Variants in CNKSR1 observed in about 807,000 individuals in gnomAD.
The protein encoded by CNKSR1 is connector enhancer of kinase suppressor of Ras 1.
Under a neutral mutation model 95.6 loss-of-function variants are expected in CNKSR1, and 88 were observed. That is an observed-to-expected ratio of 0.92 (90% confidence interval 0.78 to 1.10). CNKSR1 has a LOEUF of 1.10. CNKSR1 is among the 50% of genes least tolerant of loss of function. The pLI is 0.00. For synonymous variants in CNKSR1, 355 were observed against 369.7 expected, an observed-to-expected ratio of 0.96 and a Z score of 0.46; for missense variants, 836 against 912.0, an observed-to-expected ratio of 0.92 and a Z score of 1.07.
At chr1:26,184,943 A>G (rs1226009226) in intron 13 of CNKSR1, 71 bp from the exon 14 acceptor site, 4 of 1,447,908 alleles carry the variant, frequency 2.8e-6, no homozygotes, top group Non-Finnish European at 3.7e-6. Context: ...TGCTTGTGGA[A>G]GGCAGGGAGT....
chr1:26,188,674 G>A lies in CNKSR1; in HGVS notation c.1667G>A (p.Arg556Gln), dbSNP rs751292433. The change falls in exon 19 of 21, where the codon CGG becomes CAG. Residue 556 changes from arginine to glutamine, a missense_variant. Physicochemically the swap from Arg to Gln is conservative, Grantham distance 43. Transcript: ENST00000361530. ...PAATPTQRSP[R>Q]TSFGSLTDSS... is the part of the protein sequence containing the mutation. ...GCCACCCCCACACAGCGCAGCCCAC[G>A]GACCTCCTTTGGCTCTCTGACAGGT... 3.7e-5 allele frequency: 60 copies of A among 1,613,714 alleles called. No individual in the cohort carries two copies. The highest frequency in any genetic ancestry group is 4.7e-5 in the Non-Finnish European group (55 of 1,179,926).
Position 26,177,718 on chromosome 1 carries a change from G to A in CNKSR1, c.52+119G>A, listed in dbSNP as rs577818569. The A allele has an allele frequency of 1.7e-5, 20 of 1,180,222 alleles. No individual in the cohort carries two copies. The African/African-American group carries it at 2.6e-4, about 15-fold the overall frequency. The allele number at this position is 1,180,222 out of a possible 1,614,324, so 73.1% of individuals were successfully genotyped here. ...GGACTGGGTGCGCTGGTTCACACCT[G>A]TAATCCCAGCACTTTGGGAAGCCAA... On this transcript the variant is annotated intron_variant, in intron 1 of 20. Transcript: ENST00000361530.
rs41284331 is a variant in CNKSR1, at chr1:26,189,807, C to A, written c.*259C>A. On this transcript the variant is annotated 3_prime_UTR_variant, in exon 21 of 21. Coordinates refer to ENST00000361530, the MANE Select transcript of CNKSR1 (RefSeq NM_006314.3). ...CTCCAGTTCCTTGGCAGTTCTCCCC[C>A]AAACCAGGTCTGTACAGGTGTTCTT... The A allele has an allele frequency of 6.2e-5, 43 of 691,738 alleles. No homozygotes were observed. Among genetic ancestry groups the A allele is most frequent in the Non-Finnish European group, 1.1e-4 (42 of 379,490 alleles). The allele number at this position is 691,738 out of a possible 1,614,324, so 42.9% of individuals were successfully genotyped here. A position where few individuals can be genotyped will look rare whatever the true frequency, so the allele number is the denominator to read the frequency against.
At chr1:26,183,998 C>T (rs768953095) in intron 9 of CNKSR1, 73 bp from the exon 10 acceptor site, 6 of 877,324 alleles carry the variant, frequency 6.8e-6, no homozygotes, top group East Asian at 2.7e-5. Context: ...TCCTGCTGCT[C>T]CCCTACCCCT....
In CNKSR1 at chr1:26,189,673, G is replaced by T. The variant is rs1200272130; in HGVS notation, c.*125G>T. The T allele has an allele frequency of 1.3e-6, 1 of 778,042 alleles. No homozygotes were observed. The highest frequency in any genetic ancestry group is 2.4e-6 in the Non-Finnish European group (1 of 421,544). The allele number at this position is 778,042 out of a possible 1,614,324, so 48.2% of individuals were successfully genotyped here. On this transcript the variant is annotated 3_prime_UTR_variant, in exon 21 of 21. Coordinates refer to ENST00000361530, the MANE Select transcript of CNKSR1 (RefSeq NM_006314.3). ...GTGGGAAGTAGTACTGCTAGTCATG[G>T]TCTCACCCCGAGCTGACCCCTCTGC... is the stretch of plus-strand genomic sequence containing the variant.
At chr1:26,180,675 G>A in intron 2 of CNKSR1, 40 bp from the exon 3 acceptor site, 1 of 1,614,034 alleles carries the variant, frequency 6.2e-7, no homozygotes, top group Non-Finnish European at 8.5e-7. Context: ...TGGGGGGCTG[G>A]CTGCTGCCAG....
intron 20 of CNKSR1, 99 bp downstream of exon 20, chr1:26,189,052 TCCAG>T: frequency 7.2e-7 from 1 of 1,391,894 alleles, no homozygotes; most frequent in South Asian, 1.2e-5. Context: ...GACTCCAGAC[TCCAG>T]ACTCAGCTCC....
intron 4 of CNKSR1, 129 bp downstream of exon 4, chr1:26,182,070 G>A (rs1387097790): frequency 1.6e-5 from 15 of 933,478 alleles, no homozygotes; most frequent in Non-Finnish European, 2.6e-5. Context: ...AGGAGAGGAG[G>A]CCCTGCCACT....
chr1:26,178,528 A>AC (rs1466622926), intron 1 of CNKSR1, among the ~76,000 whole-genome samples: 3 of 152,196 alleles, frequency 2.0e-5, no homozygotes, highest in African/African-American at 7.2e-5. Context: ...ACACAGTGCG[A>AC]CCAGGAGCAG....
rs2088687643 is a variant in CNKSR1 at position 26,183,776 on chromosome 1, A to T, written c.801A>T (p.Pro267=). ...TGGTGAGGGAACTGCTGCGGGAGCC[A>T]GCCGGACTCAGCTTAGTGCTGAAGA... The part of the protein sequence containing the change: ...KNMVRELLRE[P]AGLSLVLKKI... The change falls in exon 9 of 21, where the codon CCA becomes CCT. Residue 267 remains proline (P), a synonymous_variant. Transcript: ENST00000361530. The T allele has an allele frequency of 6.2e-7, 1 of 1,613,552 alleles. No individual in the cohort carries two copies. Among genetic ancestry groups the T allele is most frequent in the Non-Finnish European group, 8.5e-7 (1 of 1,179,724 alleles).
chr1:26,178,007 G>C (rs1014666846), intron 1 of CNKSR1, among the ~76,000 whole-genome samples: 2 of 152,054 alleles, frequency 1.3e-5, no homozygotes, highest in African/African-American at 2.4e-5. Flanking sequence ...TCTATCAGTC[G>C]GTCAGTCAGT....
intron 14 of CNKSR1, among the ~76,000 whole-genome samples, chr1:26,186,507 C>T (rs1244815290): frequency 2.6e-5 from 4 of 152,152 alleles, no homozygotes; most frequent in Non-Finnish European, 4.4e-5. Context: ...CGCAGTCTCG[C>T]TCTGTTGCCC....
In CNKSR1 at chr1:26,177,646, G is replaced by A. The variant is rs748883765; in HGVS notation, c.52+47G>A. The A allele has an allele frequency of 4.2e-5, 68 of 1,603,622 alleles. No individual in the cohort carries two copies. In the Admixed American group the frequency reaches 1.1e-3, roughly 25 times the overall value. Reference sequence around the variant, plus strand: ...TTGGGCTTGAAGGGGACTAGGTGTGGTGTCCCACCGGGAAGCGGGAGGAGA... The same window carrying A: ...TTGGGCTTGAAGGGGACTAGGTGTGATGTCCCACCGGGAAGCGGGAGGAGA... On this transcript the variant is annotated intron_variant, in intron 1 of 20. Coordinates refer to ENST00000361530, the MANE Select transcript of CNKSR1 (RefSeq NM_006314.3).
In CNKSR1 at chr1:26,180,807, G is replaced by A. The variant is rs777859334; in HGVS notation, c.303G>A (p.Leu101=). 1.2e-6 allele frequency: 2 copies of A among 1,614,102 alleles called. No homozygotes were observed. The highest frequency in any genetic ancestry group is 1.7e-6 in the Non-Finnish European group (2 of 1,180,056). The stretch of plus-strand genomic sequence containing the variant: ...TCCAGAGCATAGTCCAAGGCTGCCT[G>A]GGGGACTGTGCCAAGACCCCTATTG... The part of the protein sequence containing the change: ...HDFQSIVQGC[L]GDCAKTPIDV... Residue 101 remains leucine (L), a synonymous_variant, in exon 3 of 21, where the codon CTG becomes CTA. Transcript: ENST00000361530.
In CNKSR1 at chr1:26,183,230, C is replaced by A. The variant is rs888251520; in HGVS notation, c.658C>A (p.His220Asn). The stretch of plus-strand genomic sequence containing the variant: ...AATTCACACCACCAGCAATTGCCAG[C>A]ACTTTGTGTCCCAAGTGGACACCCA... ...LEIHTTSNCQ[H>N]FVSQVDTQVP... The change falls in exon 7 of 21, where the codon CAC (histidine) becomes AAC (asparagine). Residue 220 changes from histidine to asparagine, a missense_variant. Physicochemically the swap from His to Asn is moderately conservative, Grantham distance 68. Coordinates refer to ENST00000361530, the MANE Select transcript of CNKSR1 (RefSeq NM_006314.3). 6.8e-6 allele frequency: 11 copies of A among 1,614,050 alleles called. No individual in the cohort carries two copies. The highest frequency in any genetic ancestry group is 8.5e-6 in the Non-Finnish European group (10 of 1,180,014).
chr1:26,182,011 T>A lies in CNKSR1; in HGVS notation c.477+70T>A, dbSNP rs936025351. On this transcript the variant is annotated intron_variant, in intron 4 of 20. Coordinates refer to ENST00000361530, the MANE Select transcript of CNKSR1 (RefSeq NM_006314.3). ...AGCTGGGCTAGAGCTTTTTATAACC[T>A]GTGAATCAGCCCAGGATCGAGTATG... 7 of 1,364,250 alleles carry A rather than the reference T, an allele frequency of 5.1e-6. No individual in the cohort carries two copies. In the Admixed American group the frequency reaches 6.7e-5, roughly 13 times the overall value. The allele number at this position is 1,364,250 out of a possible 1,614,324, so 84.5% of individuals were successfully genotyped here. A position where few individuals can be genotyped will look rare whatever the true frequency, so the allele number is the denominator to read the frequency against.
intron 4 of CNKSR1, 27 bp downstream of exon 4, chr1:26,181,968 C>T (rs2124509193): frequency 6.2e-7 from 1 of 1,605,108 alleles, no homozygotes; most frequent in South Asian, 1.1e-5. Flanking sequence ...CCAGGCTTGG[C>T]CCATGCCCTA....
At chr1:26,180,654 G>C (rs755590241) in intron 2 of CNKSR1, 44 bp downstream of exon 2, 2 of 1,613,996 alleles carry the variant, frequency 1.2e-6, no homozygotes, top group Non-Finnish European at 1.7e-6. Context: ...CCACCAACCT[G>C]GGGGGTGTGA....
In CNKSR1 at chr1:26,188,756, C is replaced by G. The variant is rs747104980; in HGVS notation, c.1691-16C>G. The G allele has an allele frequency of 1.2e-6, 2 of 1,609,902 alleles. No homozygotes were observed. Among genetic ancestry groups the G allele is most frequent in the South Asian group, 1.1e-5 (1 of 90,910 alleles). ...CTGGGGTGGGCACATCCTCATCCTG[C>G]TCTTCCCTCCCACAGACAGCAGTGA... On this transcript the variant is annotated splice_polypyrimidine_tract_variant and intron_variant, in intron 19 of 20. Transcript: ENST00000361530.
Sources: gnomAD v4.1 joint callset for allele counts (sites outside exome capture counted in the v4.1 genomes callset) on GRCh38, gnomAD v4.1.1 for gene constraint, MANE v1.5 for transcripts, NCBI Gene and HGNC (gene_info 2026-07-23, HGNC 2026-07-21) for gene names.